TOP1: variants seen among roughly 807,000 people sequenced by gnomAD.
The protein encoded by TOP1 is DNA topoisomerase I.
TOP1 carries 10 observed loss-of-function variants against 111.1 expected under a neutral mutation model. That is an observed-to-expected ratio of 0.09 (90% confidence interval 0.06 to 0.15). The LOEUF is 0.15. Among genes scored for constraint, TOP1 ranks in the 10% least tolerant of loss-of-function variants. The pLI is 1.00. For missense variants in TOP1, 474 were observed against 926.7 expected (o/e 0.51, Z 6.34); for synonymous variants, 271 against 302.9 (o/e 0.89, Z 1.10).
Position 41,094,008 on chromosome 20 carries a change from G to A in TOP1, c.730+1421G>A, listed in dbSNP as rs1412502555. 2.6e-5 allele frequency among the ~76,000 whole-genome samples: 4 copies of A among 152,112 alleles called. No individual in the cohort carries two copies. The highest frequency in any genetic ancestry group is 2.1e-4 in the South Asian group (1 of 4,828). ...GCAGAGATTGCAGTGAGCCTAGATC[G>A]TGCCACTCCCCTCCAGCCTGTGTGA... On this transcript the variant is annotated intron_variant, in intron 9 of 20. Transcript: ENST00000361337. This position sits in a 1 kb window ranked among gnomAD's most constrained non-coding sequence, Gnocchi z 4.4.
At chr20:41,039,640 G>T (rs1257721151) in intron 2 of TOP1, among the ~76,000 whole-genome samples, 2 of 152,178 alleles carry the variant, frequency 1.3e-5, no homozygotes, top group Non-Finnish European at 2.9e-5. Flanking sequence ...GCTTGGTAAT[G>T]GCTCATGCCT....
At chr20:41,063,187 G>T (rs2033566590) in intron 3 of TOP1, among the ~76,000 whole-genome samples, 3 of 152,136 alleles carry the variant, frequency 2.0e-5, no homozygotes, top group African/African-American at 4.8e-5. Flanking sequence ...AGACCATGTG[G>T]TATTTGGTAT....
intron 13 of TOP1, among the ~76,000 whole-genome samples, chr20:41,108,062 T>C (rs1321582485): frequency 6.6e-6 from 1 of 152,220 alleles, no homozygotes; most frequent in African/African-American, 2.4e-5. Context: ...CAGCAGTCAA[T>C]AACAGATATG....
chr20:41,092,457 C>CT lies in TOP1; in HGVS notation c.615-12dup. Reference sequence around the variant, plus strand: ...AAGGCGATCACTAAATGAGGCTGTGCTTTGTCTTTTAAAGGTGGGAAGAAG... The same window carrying CT: ...AAGGCGATCACTAAATGAGGCTGTGCTTTTGTCTTTTAAAGGTGGGAAGAAG... On this transcript the variant is annotated splice_polypyrimidine_tract_variant and intron_variant, in intron 8 of 20. Transcript: ENST00000361337. This position sits in a 1 kb window ranked among gnomAD's most constrained non-coding sequence, Gnocchi z 4.3. 1 of 1,376,182 alleles carries CT rather than the reference C, an allele frequency of 7.3e-7. No homozygotes were observed. The highest frequency in any genetic ancestry group is 1.0e-6 in the Non-Finnish European group (1 of 994,068). The allele number at this position is 1,376,182 out of a possible 1,614,324, so 85.2% of individuals were successfully genotyped here.
intron 14 of TOP1, among the ~76,000 whole-genome samples, chr20:41,113,552 G>T (rs1420218181): frequency 6.6e-6 from 1 of 152,042 alleles, no homozygotes; most frequent in Non-Finnish European, 1.5e-5. Flanking sequence ...ACAGAATTGG[G>T]AGGCTTCTGT....
intron 2 of TOP1, among the ~76,000 whole-genome samples, chr20:41,053,222 C>A (rs939540099): frequency 6.6e-6 from 1 of 152,106 alleles, no homozygotes; most frequent in Admixed American, 6.6e-5. Context: ...GCACATCCAC[C>A]AAGAATGCCC....
chr20:41,091,846 A>T (rs1053138977), intron 8 of TOP1, among the ~76,000 whole-genome samples: 1 of 152,152 alleles, frequency 6.6e-6, no homozygotes, highest in South Asian at 2.1e-4. Context: ...TTACAGGCGT[A>T]TATGGTGTTT....
At position 41,095,881 on chromosome 20, in the gene TOP1, TA is replaced by T. The variant is rs147065075; in HGVS notation, c.731-1337del. Among the ~76,000 whole-genome samples the T allele has an allele frequency of 3.1e-3, 475 of 152,346 alleles. 2 individuals are homozygous for T. The highest frequency in any genetic ancestry group is 0.011 in the African/African-American group (445 of 41,580). On this transcript the variant is annotated intron_variant, in intron 9 of 20. Transcript: ENST00000361337. The surrounding 1 kb of genome is among the most constrained non-coding windows in gnomAD (Gnocchi z 4.6). The stretch of plus-strand genomic sequence containing the variant: ...AGGTGATGTTGTAAAGTTGGATTTT[TA>T]AGAAAGAATGGAAATTGGCACTAAG...
At chr20:41,068,653 C>G (rs538387782) in intron 3 of TOP1, among the ~76,000 whole-genome samples, 1 of 152,238 alleles carries the variant, frequency 6.6e-6, no homozygotes, top group East Asian at 1.9e-4. Flanking sequence ...CATTGGCATC[C>G]CATAGTGTTG....
chr20:41,072,669 C>G, intron 3 of TOP1: 2 of 985,378 alleles, frequency 2.0e-6, no homozygotes, highest in Non-Finnish European at 2.4e-6. Flanking sequence ...TTATGGATGC[C>G]AGGTTGGGCT....
At position 41,121,207 on chromosome 20, in the gene TOP1, G is replaced by A. The variant is rs1232550520; in HGVS notation, c.1951-489G>A. Among the ~76,000 whole-genome samples, 1 of 152,240 alleles carries A rather than the reference G, an allele frequency of 6.6e-6. No individual in the cohort carries two copies. Among genetic ancestry groups the A allele is most frequent in the Non-Finnish European group, 1.5e-5 (1 of 68,014 alleles). On this transcript the variant is annotated intron_variant, in intron 18 of 20. Coordinates refer to ENST00000361337, the MANE Select transcript of TOP1 (RefSeq NM_003286.4). This position sits in a 1 kb window ranked among gnomAD's most constrained non-coding sequence, Gnocchi z 4.2. Reference sequence around the variant, plus strand: ...CCATTTTCCTTGAGAAGCTGGCACCGCCTTCCCAGAGTACTGGTGGGATCT... The same window carrying A: ...CCATTTTCCTTGAGAAGCTGGCACCACCTTCCCAGAGTACTGGTGGGATCT...
chr20:41,104,267 C>T lies in TOP1; in HGVS notation c.1308+2914C>T, dbSNP rs187804850. On this transcript the variant is annotated intron_variant, in intron 13 of 20. Transcript: ENST00000361337. Reference sequence around the variant, plus strand: ...ACACCAGATTTGTATTTTGGAAACTCGTTACATAATTGATCATTCTGACTG... The same window carrying T: ...ACACCAGATTTGTATTTTGGAAACTTGTTACATAATTGATCATTCTGACTG... 3.3e-5 allele frequency among the ~76,000 whole-genome samples: 5 copies of T among 152,248 alleles called. No individual in the cohort carries two copies. In the East Asian group the frequency reaches 9.6e-4, roughly 29 times the overall value.
At chr20:41,093,945 C>T (rs2033950697) in intron 9 of TOP1, among the ~76,000 whole-genome samples, 1 of 152,014 alleles carries the variant, frequency 6.6e-6, no homozygotes, top group African/African-American at 2.4e-5. Context: ...CCCAGCTACT[C>T]GGGAGGCTAA....
Position 41,029,125 on chromosome 20 carries a change from GC to G in TOP1, c.33+29del. 1 of 1,475,908 alleles carries G rather than the reference GC, an allele frequency of 6.8e-7. No homozygotes were observed. 91.4% of individuals were successfully genotyped at this position (1,475,908 alleles called of 1,614,324 possible). A position where few individuals can be genotyped will look rare whatever the true frequency, so the allele number is the denominator to read the frequency against. Reference sequence around the variant, plus strand: ...GGTACGGCCCGGCCTGACCCTGGCGGCCCCGGACCCCGGCCTGGCCGTCCCG... The same window carrying G: ...GGTACGGCCCGGCCTGACCCTGGCGGCCCGGACCCCGGCCTGGCCGTCCCG... On this transcript the variant is annotated intron_variant, in intron 1 of 20. Coordinates refer to ENST00000361337, the MANE Select transcript of TOP1 (RefSeq NM_003286.4). The surrounding 1 kb of genome is among the most constrained non-coding windows in gnomAD (Gnocchi z 6.1).
chr20:41,091,515 G>T (rs1478105994), intron 8 of TOP1, among the ~76,000 whole-genome samples: 1 of 150,794 alleles, frequency 6.6e-6, no homozygotes, highest in Non-Finnish European at 1.5e-5. Flanking sequence ...CTTTGAAAAT[G>T]GTTCGGCCAA....
Position 41,069,485 on chromosome 20 carries a change from C to A in TOP1, c.156-6686C>A, listed in dbSNP as rs986081611. On this transcript the variant is annotated intron_variant, in intron 3 of 20. Coordinates refer to ENST00000361337, the MANE Select transcript of TOP1 (RefSeq NM_003286.4). The surrounding 1 kb of genome is among the most constrained non-coding windows in gnomAD (Gnocchi z 4.1). ...GCTGGGTTCTGTCATTTATAAGCTA[C>A]GTGTCGTGATCCAAGGTGCTTAACT... 6.6e-6 allele frequency among the ~76,000 whole-genome samples: 1 copy of A among 152,158 alleles called. No homozygotes were observed. Among genetic ancestry groups the A allele is most frequent in the Non-Finnish European group, 1.5e-5 (1 of 68,044 alleles).
At chr20:41,033,837 T>G (rs2033151929) in intron 2 of TOP1, among the ~76,000 whole-genome samples, 2 of 152,206 alleles carry the variant, frequency 1.3e-5, no homozygotes, top group Admixed American at 1.3e-4. Flanking sequence ...AAGTGTGTTT[T>G]GTGAGGGATT....
Position 41,118,356 on chromosome 20 carries a change from A to G in TOP1, c.1950+60A>G. ...TGTGGGCAGATTATCTGCGAATGAG[A>G]GGATTCAGGGCTGAGATATCAGCAG... On this transcript the variant is annotated intron_variant, in intron 18 of 20. Transcript: ENST00000361337. The surrounding 1 kb of genome is among the most constrained non-coding windows in gnomAD (Gnocchi z 4.6). 1 of 1,596,996 alleles carries G rather than the reference A, an allele frequency of 6.3e-7. No individual in the cohort carries two copies.
At chr20:41,040,598 G>A (rs1047051743) in intron 2 of TOP1, among the ~76,000 whole-genome samples, 12 of 152,008 alleles carry the variant, frequency 7.9e-5, no homozygotes, top group Non-Finnish European at 1.6e-4. Flanking sequence ...CCTAAGAAGT[G>A]CATTTATTGG....
Sources: gnomAD v4.1 joint callset for allele counts (sites outside exome capture counted in the v4.1 genomes callset) on GRCh38, gnomAD v4.1.1 for gene constraint, Gnocchi (gnomAD v3.1) non-coding constraint, MANE v1.5 for transcripts, NCBI Gene and HGNC (gene_info 2026-07-23, HGNC 2026-07-21) for gene names.